Variants in RAD51B observed in about 807,000 individuals in gnomAD.
RAD51B encodes DNA repair protein RAD51 homolog 2.
A neutral mutation model predicts 42.2 loss-of-function variants in RAD51B; 38 were observed. The ratio of observed to expected loss-of-function variants is 0.90; its 90% confidence interval spans 0.70 to 1.18. The LOEUF is 1.18. Among genes scored for constraint, RAD51B ranks in the 50% most tolerant of loss-of-function variants. The pLI is 0.00. For missense variants in RAD51B, 373 were observed against 400.7 expected (o/e 0.93, Z 0.59); for synonymous variants, 154 against 145.2 (o/e 1.06, Z -0.43).
In RAD51B at chr14:68,411,500, C is replaced by G; in HGVS notation, c.930C>G (p.Leu310=). ...WSHSVNTRLI[L]QYLDSERRQI... ...ACAGTGTGAATACCCGGCTGATCCT[C>G]CAGTACCTTGATTCAGAGAGAAGAC... Residue 310 remains leucine, a synonymous_variant, in exon 9 of 11, where the codon CTC becomes CTG. Transcript: ENST00000471583. The G allele has an allele frequency of 6.2e-7, 1 of 1,614,092 alleles. No homozygotes were observed. Among genetic ancestry groups the G allele is most frequent in the East Asian group, 2.2e-5 (1 of 44,884 alleles).
At chr14:67,864,815 A>G (rs1405840665) in intron 4 of RAD51B, 188 bp from the exon 5 acceptor site, 4 of 945,300 alleles carry the variant, frequency 4.2e-6, no homozygotes, top group South Asian at 1.4e-5. Flanking sequence ...GCCAATTCAG[A>G]TGCAGAGGGG....
chr14:67,990,898 A>T (rs1047125633), intron 7 of RAD51B, among the ~76,000 whole-genome samples: 1 of 152,180 alleles, frequency 6.6e-6, no homozygotes, highest in African/African-American at 2.4e-5. Flanking sequence ...CTGTGTTAAG[A>T]TTTTATTATA....
At chr14:68,496,174 G>T (rs544927849) in intron 10 of RAD51B, among the ~76,000 whole-genome samples, 19 of 152,276 alleles carry the variant, frequency 1.2e-4, no homozygotes, top group Middle Eastern at 3.4e-3. Flanking sequence ...GTATTCATCG[G>T]TAAAAGGGGG....
chr14:68,287,498 C>T (rs1024444310), intron 7 of RAD51B, among the ~76,000 whole-genome samples: 3 of 152,172 alleles, frequency 2.0e-5, no homozygotes, highest in African/African-American at 7.2e-5. Flanking sequence ...CTGTCTATTC[C>T]TGGCTTCAGA....
At chr14:68,401,188 A>C (rs1019416427) in intron 8 of RAD51B, among the ~76,000 whole-genome samples, 1 of 152,202 alleles carries the variant, frequency 6.6e-6, no homozygotes, top group African/African-American at 2.4e-5. Context: ...GTTCCTACAT[A>C]GTATCTCTGT....
chr14:68,234,237 C>T (rs1241446781), intron 7 of RAD51B, among the ~76,000 whole-genome samples: 1 of 152,174 alleles, frequency 6.6e-6, no homozygotes, highest in African/African-American at 2.4e-5. Flanking sequence ...ACAAGAAATT[C>T]AGAGGAAAAG....
chr14:68,101,527 T>A lies in RAD51B; in HGVS notation c.757-190357T>A, dbSNP rs978647483. The stretch of plus-strand genomic sequence containing the variant: ...AAAGGGGCTACAGGCCCCATGCAAG[T>A]CCAAAATCCAGTAAGACAGTCAAAT... On this transcript the variant is annotated intron_variant, in intron 7 of 10. Transcript: ENST00000471583. Among the ~76,000 whole-genome samples the A allele has an allele frequency of 2.6e-5, 4 of 152,298 alleles. No individual in the cohort carries two copies. In the East Asian group the frequency reaches 7.7e-4, roughly 29 times the overall value.
At chr14:68,266,196 T>C (rs184110646) in intron 7 of RAD51B, among the ~76,000 whole-genome samples, 1 of 152,352 alleles carries the variant, frequency 6.6e-6, no homozygotes, top group Admixed American at 6.5e-5. Context: ...CTGAACCCTA[T>C]AGCAAAGGCA....
chr14:67,907,635 C>T (rs1170856324), intron 7 of RAD51B, among the ~76,000 whole-genome samples: 1 of 151,928 alleles, frequency 6.6e-6, no homozygotes, highest in Admixed American at 6.6e-5. Flanking sequence ...TTTTATGACC[C>T]TGCCTCCGGA....
chr14:68,122,130 A>T (rs1158959672), intron 7 of RAD51B, among the ~76,000 whole-genome samples: 1 of 152,158 alleles, frequency 6.6e-6, no homozygotes, highest in Non-Finnish European at 1.5e-5. Flanking sequence ...AAATCAAAAA[A>T]GTATTGGAAG....
At chr14:68,523,866 A>G (rs931874994) in intron 10 of RAD51B, among the ~76,000 whole-genome samples, 1 of 152,228 alleles carries the variant, frequency 6.6e-6, no homozygotes, top group African/African-American at 2.4e-5. Context: ...CAAGGGTCAA[A>G]TGTATTCCTA....
chr14:68,516,013 C>A (rs1886128430), intron 10 of RAD51B, among the ~76,000 whole-genome samples: 1 of 151,936 alleles, frequency 6.6e-6, no homozygotes, highest in Non-Finnish European at 1.5e-5. Context: ...TCTCGATCTC[C>A]TGACCTTGTG....
rs185372899 is a variant in RAD51B, at chr14:68,295,695, G to A, written c.853+3715G>A. 1.8e-4 allele frequency among the ~76,000 whole-genome samples: 28 copies of A among 152,248 alleles called. No individual in the cohort carries two copies. In the South Asian group the frequency reaches 3.3e-3, roughly 18 times the overall value. On this transcript the variant is annotated intron_variant, in intron 8 of 10. Coordinates refer to ENST00000471583, the MANE Select transcript of RAD51B (RefSeq NM_133510.4). ...CCCTCCTCTGCATCAGAGCAGAAGG[G>A]ACTTCATTTCCCTGAGTCAGCCCCT...
At chr14:68,470,681 A>G in intron 10 of RAD51B, 2 of 450,604 alleles carry the variant, frequency 4.4e-6, no homozygotes, top group Non-Finnish European at 4.2e-6. Flanking sequence ...AGATTATATC[A>G]CACATATTGT....
At chr14:68,646,258 G>A (rs1349277592) in intron 10 of RAD51B, among the ~76,000 whole-genome samples, 2 of 152,162 alleles carry the variant, frequency 1.3e-5, no homozygotes, top group Non-Finnish European at 2.9e-5. Context: ...AAAAGTGGCT[G>A]CTTTGAGTTA....
chr14:67,866,142 C>A (rs2042330403), intron 5 of RAD51B, among the ~76,000 whole-genome samples: 1 of 152,020 alleles, frequency 6.6e-6, no homozygotes, highest in Admixed American at 6.5e-5. Context: ...GTTTCTGTAA[C>A]AAATAAATTG....
downstream of RAD51B, among the ~76,000 whole-genome samples, chr14:68,482,246 C>T (rs530046678): frequency 2.6e-5 from 4 of 151,512 alleles, no homozygotes; most frequent in African/African-American, 9.7e-5. Context: ...ATCCTGCTAG[C>T]CTTCTGGCCA....
At chr14:68,465,073 T>G (rs2085940221) in intron 9 of RAD51B, among the ~76,000 whole-genome samples, 1 of 152,162 alleles carries the variant, frequency 6.6e-6, no homozygotes, top group South Asian at 2.1e-4. Context: ...ATTACATTCT[T>G]TTTTTCTGGG....
chr14:68,176,919 T>C (rs751561113), intron 7 of RAD51B, among the ~76,000 whole-genome samples: 2 of 152,180 alleles, frequency 1.3e-5, no homozygotes, highest in Non-Finnish European at 2.9e-5. Flanking sequence ...AACTGCACTA[T>C]GCCAAGATGG....
Sources: gnomAD v4.1 joint callset for allele counts (sites outside exome capture counted in the v4.1 genomes callset) on GRCh38, gnomAD v4.1.1 for gene constraint, MANE v1.5 for transcripts, NCBI Gene and HGNC (gene_info 2026-07-23, HGNC 2026-07-21) for gene names.